The following TIMM17B variants were observed in gnomAD, a reference collection of about 807,000 sequenced individuals.
TIMM17B encodes the protein mitochondrial import inner membrane translocase subunit Tim17-B.
TIMM17B carries 10 observed loss-of-function variants against 15.9 expected under a neutral mutation model. The ratio of observed to expected loss-of-function variants is 0.63; its 90% CI spans 0.39 to 1.06. The LOEUF (loss-of-function observed/expected upper bound fraction) is 1.06. Among genes scored for constraint, TIMM17B ranks in the 50% least tolerant of loss-of-function variants. The pLI, the probability that TIMM17B is intolerant of heterozygous loss-of-function variation, is 0.01. For missense variants in TIMM17B, 114 were observed against 152.2 expected (o/e 0.75, Z 1.32); for synonymous variants, 57 against 57.2 (o/e 1.00, Z 0.02).
intron 1 of TIMM17B, chrX:48,898,019 C>T: frequency 3.0e-6 from 3 of 994,154 alleles, no homozygotes; most frequent in Non-Finnish European, 3.9e-6. Flanking sequence ...GCCCAGGTAT[C>T]GTAGCGGCGA....
chrX:48,896,332 T>C lies in TIMM17B; in HGVS notation c.126+427A>G, dbSNP rs2063312062. Reference sequence around the variant, plus strand: ...AAAATTCGTCAGGTCTGGTGGCACATGCCTGTAGTCCCAGCTACTTGGGAG... The same window carrying C: ...AAAATTCGTCAGGTCTGGTGGCACACGCCTGTAGTCCCAGCTACTTGGGAG... On this transcript the variant is annotated intron_variant, in intron 3 of 6. Transcript: ENST00000376582. 4 of 114,045 alleles carry C rather than the reference T, an allele frequency of 3.5e-5. No homozygotes were observed. The Admixed American group carries it at 3.6e-4, about 10-fold the overall frequency. The allele number at this position is 114,045 out of a possible 1,213,427, so 9.4% of individuals were successfully genotyped here. A position where few individuals can be genotyped will look rare whatever the true frequency, so the allele number is the denominator to read the frequency against.
intron 3 of TIMM17B, chrX:48,896,151 C>CA (rs61674746): frequency 0.16 from 5,646 of 34,872 alleles, 687 homozygotes; most frequent in South Asian, 0.33. Flanking sequence ...GATGCTGTCT[C>CA]AAAAAAAAAA....
chrX:48,898,059 T>A (rs1332655051), intron 1 of TIMM17B: 3 of 1,036,749 alleles, frequency 2.9e-6, no homozygotes, highest in Admixed American at 8.3e-5. Flanking sequence ...GTGACAGCCT[T>A]CCACTACCTG....
intron 1 of TIMM17B, chrX:48,898,036 A>C: frequency 9.7e-7 from 1 of 1,029,009 alleles, no homozygotes; most frequent in Non-Finnish European, 1.3e-6. Context: ...GCGACACGAG[A>C]GAGACGGGCG....
At chrX:48,896,523 C>A in intron 3 of TIMM17B, 1 of 603,088 alleles carries the variant, frequency 1.7e-6, no homozygotes, top group Non-Finnish European at 2.4e-6. Flanking sequence ...CTTTGAACGA[C>A]ACAGCATTTC....
chrX:48,895,048 G>A, exon 4 of TIMM17B: 1 of 1,199,606 alleles, frequency 8.3e-7, no homozygotes, highest in Middle Eastern at 2.3e-4. Context: ...CTCCAATCTG[G>A]GGGGCTCGGA....
Position 48,894,230 on chromosome X carries a change from A to T in TIMM17B, c.191-5T>A. 8.3e-7 allele frequency: 1 copy of T among 1,207,530 alleles called. No individual in the cohort carries two copies. On this transcript the variant is annotated splice_region_variant and splice_polypyrimidine_tract_variant and intron_variant, in intron 4 of 6. Transcript: ENST00000376582. ...CCCCCCACACTGCGAAGCTACCTGT[A>T]GTGGAACCGAGGCCTAATTAGTTCC...
intron 2 of TIMM17B, chrX:48,897,411 G>A (rs1557039748): frequency 1.3e-5 from 4 of 313,564 alleles, no homozygotes; most frequent in Non-Finnish European, 2.2e-5. Context: ...GCAACTCTGG[G>A]GATTTCCGGT....
At chrX:48,894,401 A>G (rs1323420459) in intron 4 of TIMM17B, among the ~76,000 whole-genome samples, 176 bp from the exon 4 acceptor site, 1 of 111,657 alleles carries the variant, frequency 9.0e-6, no homozygotes, top group African/African-American at 3.3e-5. Flanking sequence ...GGTAGCTCCC[A>G]CTTCAAGCCG....
At chrX:48,897,991 G>T in intron 1 of TIMM17B, 1 of 960,031 alleles carries the variant, frequency 1.0e-6, no homozygotes, top group Non-Finnish European at 1.4e-6. Flanking sequence ...TCGGTGTTTT[G>T]GGAAGAGAGT....
intron 3 of TIMM17B, chrX:48,895,401 G>A (rs1557039319): frequency 3.9e-6 from 2 of 516,478 alleles, no homozygotes; most frequent in Admixed American, 2.6e-5. Flanking sequence ...CATGAACAAG[G>A]TAGGTCTGCT....
chrX:48,895,064 A>G (rs2063301048), exon 4 of TIMM17B: 2 of 1,202,325 alleles, frequency 1.7e-6, no homozygotes, highest in Non-Finnish European at 1.1e-6. Context: ...TCGGATCCTC[A>G]CAGCATTGGC....
intron 3 of TIMM17B, chrX:48,896,151 CA>C (rs61674746): frequency 0.012 from 420 of 35,001 alleles, 2 homozygotes; most frequent in African/African-American, 0.046. Flanking sequence ...GATGCTGTCT[CA>C]AAAAAAAAAA....
chrX:48,896,973 G>C, intron 2 of TIMM17B, 115 bp from the exon 2 acceptor site: 1 of 1,133,628 alleles, frequency 8.8e-7, no homozygotes, highest in Non-Finnish European at 1.2e-6. Context: ...TTCCTAAGTA[G>C]GAACAAACAC....
exon 7 of TIMM17B, chrX:48,893,768 G>T (rs1220870292): frequency 1.7e-6 from 2 of 1,167,971 alleles, no homozygotes; most frequent in South Asian, 4.0e-5. Context: ...CTGGGGCCGG[G>T]GTGCCATCCT....
At chrX:48,897,461 G>T in intron 2 of TIMM17B, 1 of 405,365 alleles carries the variant, frequency 2.5e-6, no homozygotes, top group Non-Finnish European at 4.3e-6. Flanking sequence ...ATCGTCCAGC[G>T]TGTCTTTTTT....
At chrX:48,895,282 G>C (rs1281428766) in intron 3 of TIMM17B, 181 bp from the exon 3 acceptor site, 10 of 495,717 alleles carry the variant, frequency 2.0e-5, no homozygotes, top group Middle Eastern at 3.5e-4. Context: ...TCAGAGCTAG[G>C]TTGAGAAGTG....
chrX:48,893,545 G>A (rs951339605), exon 7 of TIMM17B: 2 of 391,149 alleles, frequency 5.1e-6, no homozygotes, highest in Admixed American at 4.9e-5. Context: ...GGGGTGCCCT[G>A]AGAGAGAAAA....
At chrX:48,893,762 G>A (rs782507868) in exon 7 of TIMM17B, 9 of 1,166,982 alleles carry the variant, frequency 7.7e-6, no homozygotes, top group Non-Finnish European at 1.0e-5. Context: ...GGTAGCCTGG[G>A]GCCGGGGTGC....
Sources: allele counts gnomAD v4.1 joint callset (sites outside exome capture counted in the v4.1 genomes callset), GRCh38; gene constraint gnomAD v4.1.1; transcripts MANE v1.5; gene names NCBI Gene and HGNC (gene_info 2026-07-23, HGNC 2026-07-21).